The following LRRC28 variants were observed in gnomAD, a reference collection of about 807,000 sequenced individuals.
LRRC28 encodes the protein leucine-rich repeat-containing protein 28.
In LRRC28, 39 loss-of-function variants were observed where a neutral mutation model predicts 45.7. That is an observed-to-expected ratio of 0.85 (90% CI 0.66 to 1.12). LRRC28 has a LOEUF of 1.12. Ranked by LOEUF, LRRC28 falls within the 50% of genes most tolerant of loss-of-function variation. The probability of loss-of-function intolerance (pLI) is 0.00; values close to 1 mark genes in which losing one functional copy is unlikely to be tolerated. For missense variants in LRRC28, 435 were observed against 438.5 expected (o/e 0.99, Z 0.07); for synonymous variants, 206 against 178.8 (o/e 1.15, Z -1.22).
intron 5 of LRRC28, among the ~76,000 whole-genome samples, chr15:99,313,300 G>A (rs952380656): frequency 2.0e-5 from 3 of 151,936 alleles, no homozygotes; most frequent in Non-Finnish European, 2.9e-5. Context: ...AATGACATCT[G>A]GCTCACACCT....
At chr15:99,270,702 C>T (rs1406882555) in intron 2 of LRRC28, among the ~76,000 whole-genome samples, 1 of 152,088 alleles carries the variant, frequency 6.6e-6, no homozygotes, top group Non-Finnish European at 1.5e-5. Flanking sequence ...GGGCTATTTC[C>T]ACTTTTTAGC....
chr15:99,275,311 G>A (rs2081588690), intron 2 of LRRC28, among the ~76,000 whole-genome samples: 1 of 152,174 alleles, frequency 6.6e-6, no homozygotes, highest in African/African-American at 2.4e-5. Context: ...CTTCTTCTGG[G>A]TAAAGGACCT....
At chr15:99,255,491 A>G (rs2080990355) in intron 1 of LRRC28, among the ~76,000 whole-genome samples, 1 of 152,106 alleles carries the variant, frequency 6.6e-6, no homozygotes, top group Admixed American at 6.6e-5. Context: ...ATATTTTAAT[A>G]TTTTTGAAGT....
chr15:99,314,759 A>G (rs1955536545), intron 5 of LRRC28, among the ~76,000 whole-genome samples: 4 of 152,234 alleles, frequency 2.6e-5, no homozygotes, highest in Admixed American at 1.3e-4. Flanking sequence ...ATGTTTGAAC[A>G]TCAATCTCTA....
chr15:99,335,407 T>G (rs754625186), intron 6 of LRRC28, among the ~76,000 whole-genome samples: 2 of 152,348 alleles, frequency 1.3e-5, no homozygotes, highest in Admixed American at 1.3e-4. Flanking sequence ...TATGATAGTT[T>G]ATGTATAAGA....
At chr15:99,324,870 A>C (rs1955919992) in intron 5 of LRRC28, among the ~76,000 whole-genome samples, 1 of 152,196 alleles carries the variant, frequency 6.6e-6, no homozygotes, top group African/African-American at 2.4e-5. Context: ...CCAGGATTCC[A>C]AAAAGAATGC....
intron 9 of LRRC28, among the ~76,000 whole-genome samples, chr15:99,369,466 C>T (rs1957423742): frequency 1.3e-5 from 2 of 152,134 alleles, no homozygotes; most frequent in African/African-American, 2.4e-5. Context: ...GCGGCCTGGA[C>T]GTTGAGGTTA....
chr15:99,283,979 AC>A (rs2081885464), intron 3 of LRRC28, among the ~76,000 whole-genome samples: 1 of 152,254 alleles, frequency 6.6e-6, no homozygotes, highest in Admixed American at 6.5e-5. Flanking sequence ...TTTAACTCTT[AC>A]CAGGAGCCAA....
At chr15:99,275,482 C>T (rs964038941) in intron 2 of LRRC28, among the ~76,000 whole-genome samples, 3 of 152,232 alleles carry the variant, frequency 2.0e-5, no homozygotes, top group African/African-American at 7.2e-5. Flanking sequence ...GGGGGCCCTG[C>T]AGATTTCCCT....
intron 6 of LRRC28, among the ~76,000 whole-genome samples, chr15:99,343,732 G>A (rs565089453): frequency 1.8e-4 from 28 of 152,244 alleles, no homozygotes; most frequent in Admixed American, 1.8e-3. Flanking sequence ...AGTAATTAAA[G>A]GAAGAAAACA....
chr15:99,280,694 T>G (rs1015108366), intron 3 of LRRC28, among the ~76,000 whole-genome samples: 3 of 152,166 alleles, frequency 2.0e-5, no homozygotes, highest in African/African-American at 7.2e-5. Flanking sequence ...GTTGTAGTTT[T>G]CTTCTTTCTT....
At chr15:99,309,263 A>T (rs1955307745) in intron 5 of LRRC28, among the ~76,000 whole-genome samples, 1 of 152,130 alleles carries the variant, frequency 6.6e-6, no homozygotes, top group African/African-American at 2.4e-5. Flanking sequence ...AAATTTGTGG[A>T]ACCAACCCCT....
At chr15:99,315,803 C>T (rs1447508806) in intron 5 of LRRC28, among the ~76,000 whole-genome samples, 3 of 152,108 alleles carry the variant, frequency 2.0e-5, no homozygotes, top group Admixed American at 6.6e-5. Context: ...TGGCTCACAC[C>T]TGGAGGCTGA....
intron 5 of LRRC28, among the ~76,000 whole-genome samples, chr15:99,307,289 G>A (rs1442254630): frequency 1.3e-5 from 2 of 152,176 alleles, no homozygotes; most frequent in African/African-American, 4.8e-5. Context: ...GCAGAACAAA[G>A]TGGATTTAAT....
chr15:99,277,287 T>C (rs1310347998), intron 3 of LRRC28, among the ~76,000 whole-genome samples: 2 of 152,182 alleles, frequency 1.3e-5, no homozygotes, highest in Non-Finnish European at 2.9e-5. Context: ...TCCCATCTTT[T>C]CTGTCATTTC....
chr15:99,264,377 G>T (rs2081279493), intron 2 of LRRC28, among the ~76,000 whole-genome samples: 1 of 152,202 alleles, frequency 6.6e-6, no homozygotes, highest in South Asian at 2.1e-4. Flanking sequence ...TTAAGGCTCA[G>T]CAAAAGCGGG....
chr15:99,318,173 G>C (rs1303402198), intron 5 of LRRC28, among the ~76,000 whole-genome samples: 1 of 152,102 alleles, frequency 6.6e-6, no homozygotes, highest in Non-Finnish European at 1.5e-5. Flanking sequence ...CAGAACTTGT[G>C]AGACCCTCAG....
intron 1 of LRRC28, among the ~76,000 whole-genome samples, chr15:99,254,777 G>T (rs1050665535): frequency 6.6e-6 from 1 of 152,174 alleles, no homozygotes; most frequent in African/African-American, 2.4e-5. Flanking sequence ...GTGCCTAGTG[G>T]ATAAAACGGC....
intron 6 of LRRC28, among the ~76,000 whole-genome samples, chr15:99,346,602 AT>A (rs978849026): frequency 3.9e-5 from 6 of 152,138 alleles, no homozygotes; most frequent in African/African-American, 1.2e-4. Context: ...TAGAACATTA[AT>A]TTTTTTAGGG....
Sources: gnomAD v4.1 joint callset for allele counts (sites outside exome capture counted in the v4.1 genomes callset) on GRCh38, gnomAD v4.1.1 for gene constraint, MANE v1.5 for transcripts, NCBI Gene and HGNC (gene_info 2026-07-23, HGNC 2026-07-21) for gene names.